Variants in NMNAT2 observed in about 807,000 individuals in gnomAD.
NMNAT2 encodes nicotinamide/nicotinic acid mononucleotide adenylyltransferase 2.
Under a neutral mutation model 41.6 loss-of-function variants are expected in NMNAT2, and 11 were observed. The observed-to-expected ratio is 0.26, with a 90% CI of 0.17 to 0.44. The LOEUF (loss-of-function observed/expected upper bound fraction) is 0.44, where lower values mean the gene tolerates loss of function less well. Among genes scored for constraint, NMNAT2 ranks in the 20% least tolerant of loss-of-function variants. The pLI is 1.00. For synonymous variants in NMNAT2, 148 were observed against 151.2 expected (o/e 0.98, Z 0.16); for missense variants, 288 against 407.7 (o/e 0.71, Z 2.53).
At chr1:183,263,324 C>T (rs887725214) in intron 8 of NMNAT2, among the ~76,000 whole-genome samples, 5 of 152,176 alleles carry the variant, frequency 3.3e-5, no homozygotes, top group Non-Finnish European at 5.9e-5. Flanking sequence ...TAAACTGACA[C>T]CAAATCTCTT....
intron 10 of NMNAT2, among the ~76,000 whole-genome samples, chr1:183,253,662 A>G (rs951299840): frequency 7.9e-5 from 12 of 152,054 alleles, no homozygotes; most frequent in Admixed American, 1.3e-4. Context: ...ATATATTCCT[A>G]CATATTTGCT....
chr1:183,394,962 A>G (rs544779442), intron 1 of NMNAT2, among the ~76,000 whole-genome samples: 9 of 152,198 alleles, frequency 5.9e-5, no homozygotes, highest in Admixed American at 2.6e-4. Context: ...AGCCCACAAT[A>G]TCCCCGGATG....
At chr1:183,366,390 T>G (rs1421459877) in intron 1 of NMNAT2, among the ~76,000 whole-genome samples, 5 of 152,222 alleles carry the variant, frequency 3.3e-5, no homozygotes, top group Non-Finnish European at 7.3e-5. Flanking sequence ...TTGGCACAAA[T>G]TAAGCACCAT....
chr1:183,317,997 A>G (rs573726616), intron 1 of NMNAT2, among the ~76,000 whole-genome samples: 1 of 152,214 alleles, frequency 6.6e-6, no homozygotes, highest in Non-Finnish European at 1.5e-5. Context: ...GTGTTAAAGG[A>G]GCTGTAATAG....
At position 183,249,442 on chromosome 1, in the gene NMNAT2, G is replaced by A. The variant is rs569708989; in HGVS notation, c.*3199C>T. On this transcript the variant is annotated 3_prime_UTR_variant, in exon 11 of 11. Transcript: ENST00000287713. The stretch of plus-strand genomic sequence containing the variant: ...GCTCCAGACCCCTCTGGACATGATT[G>A]TTCCAGTCCATGCCTTTCTCACAAC... The A allele has an allele frequency of 1.3e-5, 2 of 152,286 alleles. No individual in the cohort carries two copies. The highest frequency in any genetic ancestry group is 3.9e-4 in the East Asian group (2 of 5,172). The allele number at this position is 152,286 out of a possible 1,614,324, so 9.4% of individuals were successfully genotyped here.
intron 1 of NMNAT2, among the ~76,000 whole-genome samples, chr1:183,388,974 A>T (rs1178830651): frequency 2.6e-5 from 4 of 152,212 alleles, no homozygotes; most frequent in Non-Finnish European, 4.4e-5. Context: ...CCTCAAAGCA[A>T]ACACACGTCA....
chr1:183,321,233 A>G (rs139419229), intron 1 of NMNAT2, among the ~76,000 whole-genome samples: 1 of 152,346 alleles, frequency 6.6e-6, no homozygotes, highest in African/African-American at 2.4e-5. Context: ...CAAAAAGGAT[A>G]AATTCCTCCC....
intron 1 of NMNAT2, among the ~76,000 whole-genome samples, chr1:183,393,819 G>A (rs536647552): frequency 2.6e-4 from 40 of 152,276 alleles, no homozygotes; most frequent in African/African-American, 8.2e-4. Context: ...GCCTTCCAAA[G>A]TGCTGGGATT....
intron 1 of NMNAT2, among the ~76,000 whole-genome samples, chr1:183,390,049 G>T (rs921933100): frequency 6.6e-6 from 1 of 151,982 alleles, no homozygotes; most frequent in East Asian, 1.9e-4. Flanking sequence ...TGTTTCTGTG[G>T]TGCCAGGGGT....
intron 1 of NMNAT2, among the ~76,000 whole-genome samples, chr1:183,397,064 T>C (rs1406555372): frequency 6.6e-6 from 1 of 152,228 alleles, no homozygotes. Context: ...GAACACTTGC[T>C]GTGGGGCTTT....
Position 183,250,003 on chromosome 1 carries a change from C to T in NMNAT2, c.*2638G>A, listed in dbSNP as rs1317747729. The T allele has an allele frequency of 1.3e-5, 2 of 152,074 alleles. No individual in the cohort carries two copies. Among genetic ancestry groups the T allele is most frequent in the Non-Finnish European group, 2.9e-5 (2 of 68,062 alleles). The allele number at this position is 152,074 out of a possible 1,614,324, so 9.4% of individuals were successfully genotyped here. On this transcript the variant is annotated 3_prime_UTR_variant, in exon 11 of 11. Coordinates refer to ENST00000287713, the MANE Select transcript of NMNAT2 (RefSeq NM_015039.4). ...TCATTCCTTCTCATGGGCTGTAGACCAAATGGGGCTTGACCAGAGCAGAGT... is the reference window on the plus strand; with the variant it reads ...TCATTCCTTCTCATGGGCTGTAGACTAAATGGGGCTTGACCAGAGCAGAGT...
chr1:183,386,358 A>G (rs544808180), intron 1 of NMNAT2, among the ~76,000 whole-genome samples: 2 of 152,180 alleles, frequency 1.3e-5, no homozygotes, highest in East Asian at 1.9e-4. Flanking sequence ...AAAGTTTCCA[A>G]TATCTTGAGG....
intron 1 of NMNAT2, among the ~76,000 whole-genome samples, chr1:183,347,188 T>G (rs1328806384): frequency 2.0e-5 from 3 of 152,184 alleles, no homozygotes; most frequent in Non-Finnish European, 4.4e-5. Flanking sequence ...GGCACTGCGG[T>G]TCACGCCTGT....
intron 1 of NMNAT2, among the ~76,000 whole-genome samples, chr1:183,382,056 AG>A (rs1204021245): frequency 6.6e-6 from 1 of 152,260 alleles, no homozygotes. Context: ...TAGTTTATAA[AG>A]AAAAGCAGTT....
At chr1:183,329,119 C>A (rs985239863) in intron 1 of NMNAT2, among the ~76,000 whole-genome samples, 2 of 152,282 alleles carry the variant, frequency 1.3e-5, no homozygotes, top group Non-Finnish European at 2.9e-5. Context: ...GGTTCCTAGC[C>A]TCCCTGAAGC....
At chr1:183,316,843 CCTT>C (rs1662264268) in intron 1 of NMNAT2, among the ~76,000 whole-genome samples, 1 of 152,200 alleles carries the variant, frequency 6.6e-6, no homozygotes, top group Non-Finnish European at 1.5e-5. Context: ...ATCTGATTCC[CCTT>C]CTTTCCACTT....
chr1:183,389,762 A>C (rs948896848), intron 1 of NMNAT2, among the ~76,000 whole-genome samples: 3 of 30,090 alleles, frequency 1.0e-4, no homozygotes, highest in African/African-American at 3.2e-4. Flanking sequence ...GAAAGAAAGA[A>C]AGAAAGAAAG....
At chr1:183,274,144 C>G (rs1175584668) in intron 8 of NMNAT2, among the ~76,000 whole-genome samples, 1 of 151,650 alleles carries the variant, frequency 6.6e-6, no homozygotes, top group African/African-American at 2.4e-5. Flanking sequence ...AACTCCTGAC[C>G]TCAAGTGATC....
intron 7 of NMNAT2, among the ~76,000 whole-genome samples, chr1:183,280,416 C>G (rs1013481114): frequency 1.3e-5 from 2 of 151,800 alleles, no homozygotes; most frequent in South Asian, 4.1e-4. Context: ...GAGATAGAAT[C>G]TCCCTCTGTC....
Sources: gnomAD v4.1 joint callset for allele counts (sites outside exome capture counted in the v4.1 genomes callset) on GRCh38, gnomAD v4.1.1 for gene constraint, MANE v1.5 for transcripts, NCBI Gene and HGNC (gene_info 2026-07-23, HGNC 2026-07-21) for gene names.